Variants in DPY30 observed in about 807,000 individuals in gnomAD.
DPY30 encodes protein dpy-30 homolog.
DPY30 carries 6 observed loss-of-function variants against 16.2 expected under a neutral mutation model. The ratio of observed to expected loss-of-function variants is 0.37; its 90% confidence interval spans 0.20 to 0.73. The LOEUF (loss-of-function observed/expected upper bound fraction) is 0.73. Among genes scored for constraint, DPY30 ranks in the 30% least tolerant of loss-of-function variants. The pLI, the probability that DPY30 is intolerant of heterozygous loss-of-function variation, is 0.51. For missense variants in DPY30, 73 were observed against 113.1 expected, an observed-to-expected ratio of 0.65 and a Z score of 1.61; for synonymous variants, 39 against 38.8, an observed-to-expected ratio of 1.00 and a Z score of -0.02.
intron 4 of DPY30, 144 bp downstream of exon 4, chr2:32,029,450 A>G: frequency 1.1e-6 from 1 of 929,434 alleles, no homozygotes; most frequent in Non-Finnish European, 1.6e-6. Context: ...CTGAATTATG[A>G]GATTATGGCT....
In DPY30 at chr2:32,034,025, T is replaced by C. The variant is rs151029369; in HGVS notation, c.85-4289A>G. Among the ~76,000 whole-genome samples, 808 of 151,898 alleles carry C rather than the reference T, an allele frequency of 5.3e-3. 12 individuals are homozygous for C. Among genetic ancestry groups the C allele is most frequent in the African/African-American group, 0.018 (762 of 41,452 alleles). On this transcript the variant is annotated intron_variant, in intron 3 of 4. Transcript: ENST00000342166. ...AACAGAGCCTAGTAGTCTCCCTGAG[T>C]TGAGAAGACAGTTGAAAATTCTGGA...
At chr2:32,024,399 A>G (rs985346587) in intron 4 of DPY30, 143 bp from the exon 5 acceptor site, 1 of 668,462 alleles carries the variant, frequency 1.5e-6, no homozygotes, top group Non-Finnish European at 2.5e-6. Context: ...AATAAAATAA[A>G]TGAGATAAGC....
chr2:32,034,788 C>A (rs1675673845), intron 3 of DPY30, among the ~76,000 whole-genome samples: 1 of 151,950 alleles, frequency 6.6e-6, no homozygotes, highest in African/African-American at 2.4e-5. Context: ...CACCTTAGGT[C>A]AGGAGTTTGA....
intron 3 of DPY30, among the ~76,000 whole-genome samples, chr2:32,036,586 GC>G (rs750227745): frequency 9.9e-5 from 15 of 151,566 alleles, no homozygotes; most frequent in Admixed American, 4.0e-4. Context: ...CAGGAGAATG[GC>G]ATGAACCCGG....
intron 3 of DPY30, among the ~76,000 whole-genome samples, chr2:32,035,749 C>T (rs974774159): frequency 6.6e-6 from 1 of 151,664 alleles, no homozygotes. Context: ...GCCTGACAAA[C>T]ACTGTGAAAC....
At chr2:32,036,127 G>A (rs1675727931) in intron 3 of DPY30, among the ~76,000 whole-genome samples, 1 of 147,854 alleles carries the variant, frequency 6.8e-6, no homozygotes, top group Non-Finnish European at 1.5e-5. Flanking sequence ...TGGTACTATA[G>A]GCACACACCA....
At chr2:32,027,531 C>CAAA (rs370515191) in intron 4 of DPY30, among the ~76,000 whole-genome samples, 10 of 68,878 alleles carry the variant, frequency 1.5e-4, no homozygotes, top group African/African-American at 3.0e-4. Flanking sequence ...AACTCTGTCT[C>CAAA]AAAAAAAAAA....
rs942111015 is a variant in DPY30, at chr2:32,039,749, C to G, written c.-53G>C. 5 of 535,666 alleles carry G rather than the reference C, an allele frequency of 9.3e-6. No homozygotes were observed. In the Admixed American group the frequency reaches 1.6e-4, roughly 17 times the overall value. The allele number at this position is 535,666 out of a possible 1,614,324, so 33.2% of individuals were successfully genotyped here. A position where few individuals can be genotyped will look rare whatever the true frequency, so the allele number is the denominator to read the frequency against. On this transcript the variant is annotated 5_prime_UTR_variant, in exon 1 of 5. Coordinates refer to ENST00000342166, the MANE Select transcript of DPY30 (RefSeq NM_001321209.2). ...GCTGATTACCCGCGCCCAAGCCGTT[C>G]GTTCTTAAGAGCCCTGCACCGCGCC...
chr2:32,013,992 G>A (rs1675016872), intron 5 of DPY30, among the ~76,000 whole-genome samples: 1 of 150,478 alleles, frequency 6.6e-6, no homozygotes, highest in Non-Finnish European at 1.5e-5. Flanking sequence ...TAGGTGACAA[G>A]AGCAAGACTC....
At chr2:32,036,985 G>C (rs1178112211) in intron 3 of DPY30, among the ~76,000 whole-genome samples, 14 of 152,214 alleles carry the variant, frequency 9.2e-5, no homozygotes, top group Non-Finnish European at 1.5e-5. Flanking sequence ...GACGAGCAAA[G>C]ATAGGAACGA....
intron 3 of DPY30, 132 bp downstream of exon 3, chr2:32,039,147 A>G (rs1034682632): frequency 2.9e-4 from 309 of 1,061,860 alleles, no homozygotes; most frequent in Non-Finnish European, 2.9e-4. Flanking sequence ...CAAGCTACCC[A>G]TAACTTGATA....
intron 1 of DPY30, 81 bp downstream of exon 1, chr2:32,039,652 G>A (rs1465233297): frequency 4.7e-6 from 3 of 638,412 alleles, no homozygotes; most frequent in South Asian, 3.8e-5. Flanking sequence ...ACGACTGGGC[G>A]CCTACATGGG....
downstream of DPY30, among the ~76,000 whole-genome samples, chr2:32,020,164 CCATTGGGCTCCAGCCTG>C (rs1675149398): frequency 1.3e-5 from 2 of 151,926 alleles, no homozygotes; most frequent in African/African-American, 4.8e-5. Flanking sequence ...TATGCTCTTA[CCATTGGGCTCCAGCCTG>C]GGTGACAGAG....
Position 32,023,978 on chromosome 2 carries a change from A to G in DPY30, c.*206T>C. 1 of 1,422,088 alleles carries G rather than the reference A, an allele frequency of 7.0e-7. No homozygotes were observed. Among genetic ancestry groups the G allele is most frequent in the Non-Finnish European group, 9.2e-7 (1 of 1,091,598 alleles). 88.1% of individuals were successfully genotyped at this position (1,422,088 alleles called of 1,614,324 possible). On this transcript the variant is annotated 3_prime_UTR_variant, in exon 5 of 5. Transcript: ENST00000342166. ...AGACAATCTGAGAAAAAAATTGCAC[A>G]GAATACACTCATTAAATAGGTATGG...
At chr2:32,037,270 T>C (rs1675779052) in intron 3 of DPY30, among the ~76,000 whole-genome samples, 1 of 152,172 alleles carries the variant, frequency 6.6e-6, no homozygotes, top group Non-Finnish European at 1.5e-5. Context: ...TGTAAAATTC[T>C]CCTTTTTTTG....
Position 32,025,589 on chromosome 2 carries a change from T to G in DPY30, c.228-1333A>C, listed in dbSNP as rs556072686. On this transcript the variant is annotated intron_variant, in intron 4 of 4. Transcript: ENST00000342166. ...CAGCCTGGCCAACATGGTGAAATCC[T>G]GTCTCCACTAAAAATACAAAAAATT... Among the ~76,000 whole-genome samples the G allele has an allele frequency of 2.1e-4, 32 of 150,872 alleles. No homozygotes were observed. In the East Asian group the frequency reaches 4.3e-3, roughly 20 times the overall value.
chr2:32,024,191 C>T lies in DPY30; in HGVS notation c.293G>A (p.Arg98Gln), dbSNP rs958169082. The change falls in exon 5 of 5, where the codon CGA becomes CAA. Residue 98 changes from arginine (R) to glutamine (Q), a missense_variant. Arg to Gln is a conservative substitution (Grantham distance 43). This residue lies in a region of DPY30 where 20 missense variants were observed against 25.3 expected (regional missense o/e 0.79). Transcript: ENST00000342166. The stretch of plus-strand genomic sequence containing the variant: ...TCTGTTCTTCCCATTAAGTCAGTTT[C>T]GATCTTCAAACTGTGCCTTGTTTTT... The part of the protein sequence containing the change: ...LLKNKAQFED[R>Q]N 3 of 1,611,688 alleles carry T rather than the reference C, an allele frequency of 1.9e-6. No individual in the cohort carries two copies. The highest frequency in any genetic ancestry group is 1.3e-5 in the African/African-American group (1 of 74,866).
At chr2:32,038,937 C>T (rs1162550227) in intron 3 of DPY30, among the ~76,000 whole-genome samples, 2 of 152,164 alleles carry the variant, frequency 1.3e-5, no homozygotes, top group Non-Finnish European at 2.9e-5. Context: ...CGTGGGCCAT[C>T]GCGCCCGGCG....
At chr2:32,039,677 C>T (rs1406771992) in intron 1 of DPY30, 56 bp downstream of exon 1, 4 of 609,174 alleles carry the variant, frequency 6.6e-6, no homozygotes, top group African/African-American at 1.9e-5. Context: ...GGAAACTCTA[C>T]GACAGTCCCA....
Sources: gnomAD v4.1 joint callset for allele counts (sites outside exome capture counted in the v4.1 genomes callset) on GRCh38, gnomAD v4.1.1 for gene constraint, gnomAD v4.1.1 regional missense constraint, MANE v1.5 for transcripts, NCBI Gene and HGNC (gene_info 2026-07-23, HGNC 2026-07-21) for gene names.